ATRNL1: variants seen among roughly 807,000 people sequenced by gnomAD.
The protein encoded by ATRNL1 is attractin-like protein 1.
Under a neutral mutation model 182.7 loss-of-function variants are expected in ATRNL1, and 95 were observed. That is an observed-to-expected ratio of 0.52 (90% confidence interval 0.44 to 0.62). The LOEUF is 0.62. ATRNL1 is among the 20% of genes least tolerant of loss of function. The pLI is 0.00. For synonymous variants in ATRNL1, 576 were observed against 568.3 expected, an observed-to-expected ratio of 1.01 and a Z score of -0.19; for missense variants, 1,471 against 1,679.5, an observed-to-expected ratio of 0.88 and a Z score of 2.17.
chr10:115,249,138 T>C, intron 10 of ATRNL1, among the ~76,000 whole-genome samples: 1 of 152,002 alleles, frequency 6.6e-6, no homozygotes, highest in Non-Finnish European at 1.5e-5. Flanking sequence ...CCTGCCACCA[T>C]CTCCGGCTAA....
intron 18 of ATRNL1, among the ~76,000 whole-genome samples, chr10:115,333,028 TTACA>T (rs1554935540): frequency 6.6e-6 from 1 of 152,186 alleles, no homozygotes; most frequent in African/African-American, 2.4e-5. Context: ...GGCATGGTGT[TTACA>T]GTGTTTAAAA....
At chr10:115,458,193 A>T (rs549642269) in intron 21 of ATRNL1, among the ~76,000 whole-genome samples, 26 of 152,238 alleles carry the variant, frequency 1.7e-4, no homozygotes, top group African/African-American at 5.8e-4. Context: ...TTCAGCATTA[A>T]GTTACATGTT....
rs145679947 is a variant in ATRNL1, at chr10:115,467,510, A to C, written c.3496+258A>C. On this transcript the variant is annotated intron_variant, in intron 23 of 28. Transcript: ENST00000355044. ...TTAAATTTTTAAGTGGCAGTGTTAT[A>C]AAATGTGATTTTAATTAAGATAAAT... Among the ~76,000 whole-genome samples the C allele has an allele frequency of 1.5e-4, 23 of 150,978 alleles. No individual in the cohort carries two copies. In the East Asian group the frequency reaches 3.9e-3, roughly 25 times the overall value.
chr10:115,329,904 T>G (rs1855121368), intron 18 of ATRNL1, among the ~76,000 whole-genome samples: 1 of 152,140 alleles, frequency 6.6e-6, no homozygotes, highest in Non-Finnish European at 1.5e-5. Flanking sequence ...AAGGATTTTG[T>G]ACTGCCATAT....
At chr10:115,754,513 G>C (rs1347525324) in intron 27 of ATRNL1, among the ~76,000 whole-genome samples, 2 of 152,094 alleles carry the variant, frequency 1.3e-5, no homozygotes, top group Non-Finnish European at 2.9e-5. Context: ...GAGGCCTCCA[G>C]TTCTGTTACA....
intron 28 of ATRNL1, among the ~76,000 whole-genome samples, chr10:115,910,384 C>T (rs1348696612): frequency 6.6e-6 from 1 of 152,142 alleles, no homozygotes; most frequent in African/African-American, 2.4e-5. Flanking sequence ...ACACCTGTCT[C>T]CCCATCGGGG....
intron 28 of ATRNL1, among the ~76,000 whole-genome samples, chr10:115,881,074 G>A (rs1346248005): frequency 2.0e-5 from 3 of 152,152 alleles, no homozygotes; most frequent in Admixed American, 2.0e-4. Flanking sequence ...CCCTCAATGC[G>A]TGGCCTGTCT....
rs1330570243 is a variant in ATRNL1, at chr10:115,246,576, C to T, written c.1687+4851C>T. On this transcript the variant is annotated intron_variant, in intron 10 of 28. Transcript: ENST00000355044. ...TTCTTTTTTTTTTTTTTTTTTGAGACGGAGTCTCGCTCTGTCGCCCAGGTC... is the reference window on the plus strand; with the variant it reads ...TTCTTTTTTTTTTTTTTTTTTGAGATGGAGTCTCGCTCTGTCGCCCAGGTC... Among the ~76,000 whole-genome samples the T allele has an allele frequency of 5.1e-5, 3 of 58,388 alleles. 1 individual carries two copies. Among genetic ancestry groups the T allele is most frequent in the East Asian group, 6.4e-4 (2 of 3,114 alleles). The allele number at this position is 58,388 out of a possible 152,430, so 38.3% of individuals were successfully genotyped here.
chr10:115,355,364 G>A lies in ATRNL1; in HGVS notation c.3175+20945G>A, dbSNP rs548395640. The stretch of plus-strand genomic sequence containing the variant: ...CTTGCAGTTGTTTTAGCACTAGAGG[G>A]AGCCCTAAGCCCAGGTATGCTGTAC... On this transcript the variant is annotated intron_variant, in intron 19 of 28. Transcript: ENST00000355044. 3.9e-5 allele frequency among the ~76,000 whole-genome samples: 6 copies of A among 152,174 alleles called. No homozygotes were observed. In the South Asian group the frequency reaches 1.2e-3, roughly 32 times the overall value.
chr10:115,596,454 A>C (rs985733420), intron 26 of ATRNL1, among the ~76,000 whole-genome samples: 1 of 152,238 alleles, frequency 6.6e-6, no homozygotes, highest in African/African-American at 2.4e-5. Context: ...CATTTAAATA[A>C]ATATATGACT....
intron 24 of ATRNL1, among the ~76,000 whole-genome samples, chr10:115,476,940 A>G (rs1159280849): frequency 6.6e-6 from 1 of 151,486 alleles, no homozygotes; most frequent in Non-Finnish European, 1.5e-5. Flanking sequence ...TCCTTTACAG[A>G]GAAACTACAT....
intron 20 of ATRNL1, among the ~76,000 whole-genome samples, chr10:115,417,449 T>C (rs1554961061): frequency 6.6e-6 from 1 of 152,166 alleles, no homozygotes; most frequent in African/African-American, 2.4e-5. Flanking sequence ...CAGGTTGTCA[T>C]CTCACAGCAC....
chr10:115,446,108 C>A (rs549556701), intron 21 of ATRNL1, among the ~76,000 whole-genome samples: 1 of 152,022 alleles, frequency 6.6e-6, no homozygotes, highest in East Asian at 1.9e-4. Context: ...AGGTTTTCTT[C>A]ATCAACAGAT....
chr10:115,424,835 T>C (rs1328617227), intron 20 of ATRNL1, among the ~76,000 whole-genome samples: 3 of 151,940 alleles, frequency 2.0e-5, no homozygotes, highest in Non-Finnish European at 4.4e-5. Flanking sequence ...TGGGGAGAGA[T>C]TGGTCAATTT....
At chr10:115,188,215 A>G (rs1554889156) in intron 8 of ATRNL1, among the ~76,000 whole-genome samples, 1 of 152,102 alleles carries the variant, frequency 6.6e-6, no homozygotes, top group Non-Finnish European at 1.5e-5. Flanking sequence ...CACTTTTGAA[A>G]TTATTTGCAA....
chr10:115,364,178 A>G (rs1265086503), intron 19 of ATRNL1, among the ~76,000 whole-genome samples: 5 of 140,234 alleles, frequency 3.6e-5, no homozygotes, highest in Non-Finnish European at 6.3e-5. Flanking sequence ...ATTTGTTTGT[A>G]TCCTCTTTTA....
intron 10 of ATRNL1, among the ~76,000 whole-genome samples, chr10:115,249,817 C>G (rs1349800774): frequency 3.3e-5 from 5 of 152,012 alleles, no homozygotes; most frequent in Non-Finnish European, 5.9e-5. Context: ...TGGCCTTGAA[C>G]TGTTTATGAA....
At chr10:115,408,747 T>C (rs1230083353) in intron 20 of ATRNL1, among the ~76,000 whole-genome samples, 1 of 152,138 alleles carries the variant, frequency 6.6e-6, no homozygotes, top group African/African-American at 2.4e-5. Flanking sequence ...GTTTTTTGTA[T>C]AGGGCAAGAG....
intron 26 of ATRNL1, among the ~76,000 whole-genome samples, chr10:115,550,714 C>T (rs7068521): frequency 0.43 from 64,571 of 151,564 alleles, 14,457 homozygotes; most frequent in Middle Eastern, 0.53. Flanking sequence ...GTGGAATTCT[C>T]TGCAGAGGTA....
Sources: allele counts gnomAD v4.1 joint callset (sites outside exome capture counted in the v4.1 genomes callset), GRCh38; gene constraint gnomAD v4.1.1; transcripts MANE v1.5; gene names NCBI Gene and HGNC (gene_info 2026-07-23, HGNC 2026-07-21).